LPIN1: variants seen among roughly 807,000 people sequenced by gnomAD.
LPIN1 encodes lipin 1.
Under a neutral mutation model 107.5 loss-of-function variants are expected in LPIN1, and 71 were observed. That is an observed-to-expected ratio of 0.66 (90% confidence interval 0.55 to 0.80). The LOEUF (loss-of-function observed/expected upper bound fraction) is 0.80. Among genes scored for constraint, LPIN1 ranks in the 30% least tolerant of loss-of-function variants. The probability of loss-of-function intolerance (pLI) is 0.00; values close to 1 mark genes in which losing one functional copy is unlikely to be tolerated. For missense variants in LPIN1, 1,043 were observed against 1,160.6 expected, an observed-to-expected ratio of 0.90 and a Z score of 1.47; for synonymous variants, 445 against 452.6, an observed-to-expected ratio of 0.98 and a Z score of 0.21.
chr2:11,804,673 C>G (rs576372395), intron 16 of LPIN1, 102 bp downstream of exon 16: 4 of 1,281,248 alleles, frequency 3.1e-6, no homozygotes, highest in Non-Finnish European at 4.5e-6. Context: ...GGGACTTGCA[C>G]GGTTCGAATT....
intron 16 of LPIN1, 122 bp downstream of exon 16, chr2:11,804,693 T>A (rs943369905): frequency 2.0e-6 from 2 of 1,018,838 alleles, no homozygotes; most frequent in South Asian, 2.6e-5. Flanking sequence ...TCTGGTGCAG[T>A]TGGAGCTCCT....
rs34409476 is a variant in LPIN1, at chr2:11,693,822, A to ATT, written c.81+16123_81+16124dup. 1.4e-3 allele frequency among the ~76,000 whole-genome samples: 26 copies of ATT among 18,992 alleles called. 1 individual carries two copies. Among genetic ancestry groups the ATT allele is most frequent in the African/African-American group, 1.6e-3 (10 of 6,288 alleles). 12.5% of individuals were successfully genotyped at this position (18,992 alleles called of 152,430 possible). On this transcript the variant is annotated intron_variant, in intron 1 of 21. Coordinates refer to the LPIN1 transcript ENST00000449576. ...TATATATATATATATATATATATAT[A>ATT]TTTTTTTTTTTTTTTTTTTTTTTTT...
At position 11,746,669 on chromosome 2, in the gene LPIN1, T is replaced by G; in HGVS notation, c.-12T>G. The G allele has an allele frequency of 1.0e-6, 1 of 984,500 alleles. No homozygotes were observed. The allele number at this position is 984,500 out of a possible 1,614,324, so 61.0% of individuals were successfully genotyped here. On this transcript the variant is annotated splice_region_variant and 5_prime_UTR_variant, in exon 1 of 21. Coordinates refer to ENST00000674199, the MANE Select transcript of LPIN1 (RefSeq NM_001349206.2). Reference sequence around the variant, plus strand: ...CAAAGGCGGCCACGCGCGGCGCCGCTCGGTGAGTAGCCGCCGCCTCCAGCC... The same window carrying G: ...CAAAGGCGGCCACGCGCGGCGCCGCGCGGTGAGTAGCCGCCGCCTCCAGCC...
chr2:11,793,131 T>C (rs151079242), intron 13 of LPIN1, among the ~76,000 whole-genome samples: 1 of 152,228 alleles, frequency 6.6e-6, no homozygotes, highest in Non-Finnish European at 1.5e-5. Context: ...GCTTCCAGAA[T>C]TGAACTCATG....
upstream of LPIN1, among the ~76,000 whole-genome samples, chr2:11,719,712 C>G (rs1174394173): frequency 1.3e-5 from 2 of 151,892 alleles, no homozygotes; most frequent in Non-Finnish European, 2.9e-5. Flanking sequence ...GTTAATGGAG[C>G]TCTTACGCAG....
intron 14 of LPIN1, among the ~76,000 whole-genome samples, chr2:11,801,043 A>G (rs940306560): frequency 6.6e-6 from 1 of 152,228 alleles, no homozygotes; most frequent in Non-Finnish European, 1.5e-5. Context: ...GCAAATCAAA[A>G]CCACAGTGAG....
intron 2 of LPIN1, among the ~76,000 whole-genome samples, chr2:11,717,421 G>T (rs1272094804): frequency 6.6e-6 from 1 of 151,752 alleles, no homozygotes; most frequent in East Asian, 1.9e-4. Context: ...AGATATGGGG[G>T]GTGTTTTTCC....
At chr2:11,808,093 G>T (rs1679020332) in intron 17 of LPIN1, among the ~76,000 whole-genome samples, 2 of 152,002 alleles carry the variant, frequency 1.3e-5, no homozygotes, top group South Asian at 4.2e-4. Flanking sequence ...TTAATGCCTG[G>T]CTCAAATGCC....
intron 1 of LPIN1, among the ~76,000 whole-genome samples, chr2:11,757,674 C>T (rs539561628): frequency 4.6e-5 from 7 of 152,228 alleles, no homozygotes; most frequent in African/African-American, 1.2e-4. Flanking sequence ...TGGTCCCTCC[C>T]GTGCCTCCTG....
intron 3 of LPIN1, among the ~76,000 whole-genome samples, chr2:11,769,380 C>T (rs574308704): frequency 6.6e-6 from 1 of 152,114 alleles, no homozygotes; most frequent in East Asian, 1.9e-4. Context: ...AATGTCTATT[C>T]AGATCCTTTG....
At chr2:11,793,952 G>A (rs1271442939) in intron 13 of LPIN1, among the ~76,000 whole-genome samples, 2 of 152,132 alleles carry the variant, frequency 1.3e-5, no homozygotes, top group Non-Finnish European at 2.9e-5. Context: ...GATTACTCTG[G>A]GAAAGTAGTA....
At chr2:11,805,873 G>T (rs1678583013) in intron 17 of LPIN1, among the ~76,000 whole-genome samples, 1 of 152,310 alleles carries the variant, frequency 6.6e-6, no homozygotes, top group East Asian at 1.9e-4. Context: ...GAGCCCTGCA[G>T]GGATTCTCCA....
chr2:11,757,437 C>G (rs1668847979), intron 1 of LPIN1, among the ~76,000 whole-genome samples: 1 of 152,224 alleles, frequency 6.6e-6, no homozygotes, highest in Non-Finnish European at 1.5e-5. Context: ...GGTAAATTAG[C>G]TTCTTCCTCC....
At chr2:11,689,593 G>C (rs1379945791) in intron 1 of LPIN1, among the ~76,000 whole-genome samples, 1 of 152,114 alleles carries the variant, frequency 6.6e-6, no homozygotes, top group Non-Finnish European at 1.5e-5. Context: ...TTCTTTTAGT[G>C]GTTCTCCTTA....
rs79865525 is a variant in LPIN1, at chr2:11,822,009, C to T, written c.2621+1495C>T. On this transcript the variant is annotated intron_variant, in intron 20 of 20. Transcript: ENST00000674199. ...TAAGTGGCTGACTGTGACAATGTCT[C>T]GTTCCCACTCCCCTCTCATTCCCCA... Among the ~76,000 whole-genome samples, 135 of 152,290 alleles carry T rather than the reference C, an allele frequency of 8.9e-4. 3 individuals are homozygous for T. The highest frequency in any genetic ancestry group is 3.1e-3 in the African/African-American group (127 of 41,562).
chr2:11,779,441 T>G, intron 6 of LPIN1, 78 bp from the exon 7 acceptor site: 1 of 1,494,412 alleles, frequency 6.7e-7, no homozygotes, highest in South Asian at 1.1e-5. Flanking sequence ...CTGGGCTATT[T>G]GAGCCATGGA....
At chr2:11,780,321 G>A (rs1331627477) in intron 7 of LPIN1, among the ~76,000 whole-genome samples, 1 of 152,218 alleles carries the variant, frequency 6.6e-6, no homozygotes, top group Non-Finnish European at 1.5e-5. Context: ...GTGGAGCAAA[G>A]CCACAGGGAG....
intron 1 of LPIN1, among the ~76,000 whole-genome samples, chr2:11,703,569 T>C (rs936756569): frequency 6.6e-6 from 1 of 152,186 alleles, no homozygotes; most frequent in East Asian, 1.9e-4. Context: ...TGCCTCATTA[T>C]TTTGCCATAA....
At chr2:11,788,922 C>T (rs1202945251) in intron 12 of LPIN1, among the ~76,000 whole-genome samples, 4 of 152,188 alleles carry the variant, frequency 2.6e-5, no homozygotes, top group Admixed American at 2.6e-4. Flanking sequence ...AGAGCCAGTA[C>T]AGGGCCTGGA....
Sources: allele counts gnomAD v4.1 joint callset (sites outside exome capture counted in the v4.1 genomes callset), GRCh38; gene constraint gnomAD v4.1.1; transcripts MANE v1.5; gene names NCBI Gene and HGNC (gene_info 2026-07-23, HGNC 2026-07-21).